ERBB4: variants seen among roughly 807,000 people sequenced by gnomAD.
ERBB4 encodes the protein receptor tyrosine-protein kinase erbB-4.
ERBB4 carries 42 observed loss-of-function variants against 158.0 expected under a neutral mutation model. The ratio of observed to expected loss-of-function variants is 0.27; its 90% CI spans 0.21 to 0.34. The LOEUF (loss-of-function observed/expected upper bound fraction) is 0.34, where lower values mean the gene tolerates loss of function less well. Among genes scored for constraint, ERBB4 ranks in the 10% least tolerant of loss-of-function variants. The pLI is 1.00. For missense variants in ERBB4, 1,333 were observed against 1,624.1 expected, an observed-to-expected ratio of 0.82 and a Z score of 3.08; for synonymous variants, 583 against 558.7, an observed-to-expected ratio of 1.04 and a Z score of -0.61.
intron 2 of ERBB4, among the ~76,000 whole-genome samples, chr2:212,039,082 C>A (rs1488426313): frequency 6.6e-6 from 1 of 151,988 alleles, no homozygotes; most frequent in African/African-American, 2.4e-5. Flanking sequence ...TTTATTTTCT[C>A]ATTTATTTAG....
intron 1 of ERBB4, among the ~76,000 whole-genome samples, chr2:212,355,092 T>C (rs747757011): frequency 6.6e-5 from 10 of 152,108 alleles, no homozygotes; most frequent in Admixed American, 1.3e-4. Flanking sequence ...CAATAAAATG[T>C]GACCAGTCAG....
rs550068665 is a variant in ERBB4, at chr2:211,869,341, C to T, written c.421+78089G>A. Reference sequence around the variant, plus strand: ...CTGTCATCTCCCTGAGTCTGCTTAACGTGACATCCTCCTGCTCTAGGACAT... The same window carrying T: ...CTGTCATCTCCCTGAGTCTGCTTAATGTGACATCCTCCTGCTCTAGGACAT... On this transcript the variant is annotated intron_variant, in intron 3 of 27. Coordinates refer to ENST00000342788, the MANE Select transcript of ERBB4 (RefSeq NM_005235.3). 7.2e-5 allele frequency among the ~76,000 whole-genome samples: 11 copies of T among 152,276 alleles called. No individual in the cohort carries two copies. In the East Asian group the frequency reaches 1.5e-3, roughly 21 times the overall value.
intron 2 of ERBB4, among the ~76,000 whole-genome samples, chr2:211,985,606 C>G (rs1160998627): frequency 2.0e-5 from 3 of 152,010 alleles, no homozygotes; most frequent in Non-Finnish European, 4.4e-5. Flanking sequence ...AGCGAAGTCA[C>G]TGCACCAGTT....
chr2:211,488,455 CAGTGGAA>C (rs1463891053), intron 20 of ERBB4, among the ~76,000 whole-genome samples: 3 of 152,030 alleles, frequency 2.0e-5, no homozygotes, highest in Non-Finnish European at 4.4e-5. Context: ...GAATATCTGG[CAGTGGAA>C]AATGCTGAAT....
chr2:211,953,612 T>C (rs954706049), intron 2 of ERBB4, among the ~76,000 whole-genome samples: 1 of 151,888 alleles, frequency 6.6e-6, no homozygotes, highest in Non-Finnish European at 1.5e-5. Context: ...AAGATATATC[T>C]TCCTCCTCAT....
chr2:212,078,316 G>A (rs986038257), intron 2 of ERBB4, among the ~76,000 whole-genome samples: 1 of 151,742 alleles, frequency 6.6e-6, no homozygotes, highest in Non-Finnish European at 1.5e-5. Context: ...TTTAGTTTCA[G>A]AGACTTTACG....
chr2:212,227,345 T>C (rs1357388288), intron 1 of ERBB4, among the ~76,000 whole-genome samples: 1 of 151,906 alleles, frequency 6.6e-6, no homozygotes, highest in Non-Finnish European at 1.5e-5. Flanking sequence ...TCTCTACACA[T>C]GGAAAGCAGA....
intron 2 of ERBB4, among the ~76,000 whole-genome samples, chr2:212,056,433 CAA>C (rs1160075842): frequency 6.6e-6 from 1 of 152,080 alleles, no homozygotes; most frequent in Non-Finnish European, 1.5e-5. Context: ...GAGAACACCA[CAA>C]AGAGACTCCT....
At chr2:212,383,296 TTTATTAAAAATATACTGATTAATTC>T (rs2090570566) in intron 1 of ERBB4, among the ~76,000 whole-genome samples, 1 of 151,420 alleles carries the variant, frequency 6.6e-6, no homozygotes, top group Non-Finnish European at 1.5e-5. Flanking sequence ...AAATCTTGTA[TTTATTAAAAATATACTGATTAATTC>T]TAAGAATATA....
At chr2:211,611,796 A>T (rs1048623500) in intron 19 of ERBB4, among the ~76,000 whole-genome samples, 3 of 152,096 alleles carry the variant, frequency 2.0e-5, no homozygotes, top group Admixed American at 1.3e-4. Flanking sequence ...GTCACCAAGA[A>T]CTCAGAAGTA....
intron 3 of ERBB4, among the ~76,000 whole-genome samples, chr2:211,883,771 G>A (rs972749442): frequency 3.3e-5 from 5 of 152,100 alleles, no homozygotes; most frequent in Non-Finnish European, 7.3e-5. Flanking sequence ...CAGCCTGGGC[G>A]ATAGAGCAAG....
intron 20 of ERBB4, among the ~76,000 whole-genome samples, chr2:211,533,393 T>TTCTTAAGCACTATACCTAATA (rs2066554598): frequency 6.6e-6 from 1 of 152,062 alleles, no homozygotes; most frequent in African/African-American, 2.4e-5. Flanking sequence ...TTTATCATTA[T>TTCTTAAGCACTATACCTAATA]TCTTAAGCAC....
chr2:212,468,679 A>G (rs1301982098), intron 1 of ERBB4, among the ~76,000 whole-genome samples: 1 of 152,182 alleles, frequency 6.6e-6, no homozygotes, highest in Non-Finnish European at 1.5e-5. Context: ...TGACTTCAGG[A>G]CCTGGTATAT....
chr2:211,884,368 T>C (rs1219643977), intron 3 of ERBB4, among the ~76,000 whole-genome samples: 2 of 152,192 alleles, frequency 1.3e-5, no homozygotes, highest in Non-Finnish European at 2.9e-5. Context: ...CCAGTTCTCC[T>C]ACCAAACTTT....
intron 1 of ERBB4, among the ~76,000 whole-genome samples, chr2:212,328,369 C>T (rs2087963295): frequency 6.6e-6 from 1 of 151,982 alleles, no homozygotes; most frequent in Non-Finnish European, 1.5e-5. Flanking sequence ...ATTACCCAGA[C>T]TTGTATACGA....
At chr2:212,520,129 ATGT>A (rs1176271085) in intron 1 of ERBB4, among the ~76,000 whole-genome samples, 3 of 151,980 alleles carry the variant, frequency 2.0e-5, no homozygotes, top group Non-Finnish European at 4.4e-5. Context: ...GTCTTAAAAT[ATGT>A]TGTTAACACT....
At chr2:212,014,022 G>A (rs1163761052) in intron 2 of ERBB4, among the ~76,000 whole-genome samples, 1 of 152,180 alleles carries the variant, frequency 6.6e-6, no homozygotes, top group African/African-American at 2.4e-5. Context: ...TCATTTCTGT[G>A]TAGAACATCA....
chr2:212,361,286 T>G (rs1219105384), intron 1 of ERBB4, among the ~76,000 whole-genome samples: 1 of 151,692 alleles, frequency 6.6e-6, no homozygotes, highest in African/African-American at 2.4e-5. Context: ...AAACCATATG[T>G]GCCTCCATGC....
intron 3 of ERBB4, among the ~76,000 whole-genome samples, chr2:211,884,483 CT>C (rs1277434321): frequency 6.6e-6 from 1 of 152,002 alleles, no homozygotes; most frequent in Non-Finnish European, 1.5e-5. Flanking sequence ...AGGTTTTGTT[CT>C]TTTGTTCAAG....
Sources: gnomAD v4.1 joint callset for allele counts (sites outside exome capture counted in the v4.1 genomes callset) on GRCh38, gnomAD v4.1.1 for gene constraint, MANE v1.5 for transcripts, NCBI Gene and HGNC (gene_info 2026-07-23, HGNC 2026-07-21) for gene names.